The following DMC1 variants were observed in gnomAD, a reference collection of about 807,000 sequenced individuals.
DMC1 encodes the protein DNA meiotic recombinase 1.
Under a neutral mutation model 50.1 loss-of-function variants are expected in DMC1, and 27 were observed. The observed-to-expected ratio is 0.54, with a 90% confidence interval of 0.40 to 0.74. The LOEUF (loss-of-function observed/expected upper bound fraction) is 0.74, where lower values mean the gene tolerates loss of function less well. Among genes scored for constraint, DMC1 ranks in the 30% least tolerant of loss-of-function variants. The pLI is 0.00. For synonymous variants in DMC1, 148 were observed against 136.1 expected, an observed-to-expected ratio of 1.09 and a Z score of -0.61; for missense variants, 295 against 420.2, an observed-to-expected ratio of 0.70 and a Z score of 2.60.
rs578226212 is a variant in DMC1 at position 38,552,648 on chromosome 22, GT to G, written c.421+17del. Reference sequence around the variant, plus strand: ...AATAGCCATGATTATTATTGTTATTGTTGTTATATATCCTTACCACAGAGGG... The same window carrying G: ...AATAGCCATGATTATTATTGTTATTGTGTTATATATCCTTACCACAGAGGG... On this transcript the variant is annotated intron_variant, in intron 7 of 13. Transcript: ENST00000216024. 5.2e-6 allele frequency: 8 copies of G among 1,526,998 alleles called. No individual in the cohort carries two copies. The South Asian group carries it at 9.0e-5, about 17-fold the overall frequency. 94.6% of individuals were successfully genotyped at this position (1,526,998 alleles called of 1,614,324 possible).
intron 5 of DMC1, among the ~76,000 whole-genome samples, chr22:38,561,066 C>T (rs961411552): frequency 2.0e-5 from 3 of 152,048 alleles, no homozygotes; most frequent in East Asian, 1.9e-4. Flanking sequence ...GGCATGATCG[C>T]GGCTCACTAG....
At chr22:38,518,399 T>G (rs949358325), downstream of DMC1, among the ~76,000 whole-genome samples, 4 of 152,250 alleles carry the variant, frequency 2.6e-5, no homozygotes, top group Admixed American at 2.6e-4. Flanking sequence ...ATGCTTTATG[T>G]GTAGGAACCA....
intron 7 of DMC1, among the ~76,000 whole-genome samples, chr22:38,552,027 A>AT (rs1187883288): frequency 6.6e-6 from 1 of 151,510 alleles, no homozygotes; most frequent in South Asian, 2.1e-4. Flanking sequence ...TGCCCGGCTA[A>AT]TTTTTTTGTA....
chr22:38,541,561 T>C (rs960309346), intron 8 of DMC1, among the ~76,000 whole-genome samples: 7 of 152,170 alleles, frequency 4.6e-5, no homozygotes, highest in Non-Finnish European at 7.3e-5. Context: ...CAAAGTGACT[T>C]ATGTCGTTAG....
At chr22:38,536,458 T>C (rs1167749334) in intron 12 of DMC1, among the ~76,000 whole-genome samples, 1 of 152,220 alleles carries the variant, frequency 6.6e-6, no homozygotes, top group Non-Finnish European at 1.5e-5. Context: ...TTCTATTCAC[T>C]GCCGTCTTTC....
rs533105257 is a variant in DMC1, at chr22:38,523,175, G to A, written c.837-1451C>T. ...TTTGGAGTGAACCACTATCAAGAAA[G>A]TAGTAGCCAGACAGTTGAGACTAAC... On this transcript the variant is annotated intron_variant, in intron 12 of 13. Coordinates refer to ENST00000216024, the MANE Select transcript of DMC1 (RefSeq NM_007068.4). Among the ~76,000 whole-genome samples, 12 of 152,348 alleles carry A rather than the reference G, an allele frequency of 7.9e-5. No homozygotes were observed. The South Asian group carries it at 2.5e-3, about 32-fold the overall frequency.
At position 38,520,925 on chromosome 22, in the gene DMC1, G is replaced by A. The variant is rs574770135; in HGVS notation, c.953+683C>T. ...GGAGTCTCACTCTGTCGCCCGGGCT[G>A]GAGTGCAGTGGCGCGATCTCGGCTA... On this transcript the variant is annotated intron_variant, in intron 13 of 13. Transcript: ENST00000216024. Among the ~76,000 whole-genome samples the A allele has an allele frequency of 6.2e-4, 93 of 150,056 alleles. 1 individual carries two copies. The highest frequency in any genetic ancestry group is 3.4e-3 in the Middle Eastern group (1 of 290).
At chr22:38,534,329 G>C (rs749967685) in intron 12 of DMC1, among the ~76,000 whole-genome samples, 8 of 152,316 alleles carry the variant, frequency 5.3e-5, no homozygotes, top group Middle Eastern at 3.4e-3. Context: ...ATATGCTGAA[G>C]TATTAAGAGG....
At chr22:38,510,455 T>TA in the DMC1 span, among the ~76,000 whole-genome samples, 1 of 152,196 alleles carries the variant, frequency 6.6e-6, no homozygotes, top group East Asian at 1.9e-4. Flanking sequence ...ACTCTGTGTC[T>TA]AAAAAGACAG....
At chr22:38,566,481 G>T in intron 4 of DMC1, 109 bp downstream of exon 4, 1 of 1,189,504 alleles carries the variant, frequency 8.4e-7, no homozygotes, top group Non-Finnish European at 1.2e-6. Context: ...AATATACTGT[G>T]ATCTACAGGA....
chr22:38,519,789 AAC>A lies in DMC1; in HGVS notation c.*229_*230del, dbSNP rs375080818. On this transcript the variant is annotated 3_prime_UTR_variant, in exon 14 of 14. Transcript: ENST00000216024. ...TATATATGTCAGGTATACACACACA[AAC>A]ACACACACACACAAACATACATATA... is the stretch of plus-strand genomic sequence containing the variant. 1,728 of 457,762 alleles carry A rather than the reference AAC, an allele frequency of 3.8e-3. No individual in the cohort carries two copies. The highest frequency in any genetic ancestry group is 5.2e-3 in the East Asian group (122 of 23,570). The allele number at this position is 457,762 out of a possible 1,614,324, so 28.4% of individuals were successfully genotyped here. A position where few individuals can be genotyped will look rare whatever the true frequency, so the allele number is the denominator to read the frequency against.
At chr22:38,521,856 T>G in intron 12 of DMC1, 132 bp from the exon 13 acceptor site, 1 of 747,442 alleles carries the variant, frequency 1.3e-6, no homozygotes. Flanking sequence ...AAGCAGAGGC[T>G]TGTTCATAAA....
chr22:38,525,994 G>T (rs1052052956), intron 12 of DMC1, among the ~76,000 whole-genome samples: 1 of 150,716 alleles, frequency 6.6e-6, no homozygotes, highest in African/African-American at 2.4e-5. Context: ...AAAAGAAAAA[G>T]AAAGATATTA....
downstream of DMC1, among the ~76,000 whole-genome samples, chr22:38,515,489 AAAGAAAG>A (rs1370049743): frequency 1.1e-4 from 17 of 150,136 alleles, no homozygotes; most frequent in African/African-American, 4.2e-4. Context: ...AAAAAAAAAA[AAAGAAAG>A]AAAAAAGGGA....
intron 1 of DMC1, among the ~76,000 whole-genome samples, chr22:38,569,742 C>T (rs2090619505): frequency 6.6e-6 from 1 of 152,238 alleles, no homozygotes; most frequent in Non-Finnish European, 1.5e-5. Flanking sequence ...GGTCGGGTCG[C>T]CCTCGACGCC....
Position 38,568,234 on chromosome 22 carries a change from G to T in DMC1, c.23C>A (p.Ala8Glu). 6.2e-7 allele frequency: 1 copy of T among 1,613,938 alleles called. No homozygotes were observed. Among genetic ancestry groups the T allele is most frequent in the Non-Finnish European group, 8.5e-7 (1 of 1,179,944 alleles). Reference protein sequence around the residue: MKEDQVVAEEPGFQDEEE... With the variant: MKEDQVVEEEPGFQDEEE... ...TTCATCTTGGAATCCTGGTTCTTCC[G>T]CCACAACTTGATCCTCCTTCATATT... Residue 8 changes from alanine to glutamate, a missense_variant, in exon 2 of 14, where the codon GCG (alanine) becomes GAG (glutamate). Transcript: ENST00000216024.
At position 38,564,096 on chromosome 22, in the gene DMC1, G is replaced by A. The variant is rs375010248; in HGVS notation, c.244-1727C>T. On this transcript the variant is annotated intron_variant, in intron 4 of 13. Transcript: ENST00000216024. ...AGGTGGGAGGATCGCTTGAGCCTGG[G>A]AGGTCAAGGCCACAGTGAACTGTGA... Among the ~76,000 whole-genome samples, 426 of 152,276 alleles carry A rather than the reference G, an allele frequency of 2.8e-3. 1 individual carries two copies. Among genetic ancestry groups the A allele is most frequent in the South Asian group, 7.3e-3 (35 of 4,824 alleles).
downstream of DMC1, among the ~76,000 whole-genome samples, chr22:38,516,421 A>T (rs2089977014): frequency 6.6e-6 from 1 of 152,146 alleles, no homozygotes; most frequent in Non-Finnish European, 1.5e-5. Context: ...AAATTCTCTG[A>T]ATTTCAAGTC....
At chr22:38,567,932 T>C (rs1351592284) in intron 2 of DMC1, among the ~76,000 whole-genome samples, 2 of 152,214 alleles carry the variant, frequency 1.3e-5, no homozygotes, top group Non-Finnish European at 2.9e-5. Context: ...CTCCAGATCC[T>C]AAACTCCTTC....
Sources: gnomAD v4.1 joint callset for allele counts (sites outside exome capture counted in the v4.1 genomes callset) on GRCh38, gnomAD v4.1.1 for gene constraint, MANE v1.5 for transcripts, NCBI Gene and HGNC (gene_info 2026-07-23, HGNC 2026-07-21) for gene names.